PDGFB: variants seen among roughly 807,000 people sequenced by gnomAD.
PDGFB encodes the protein platelet-derived growth factor subunit B.
A neutral mutation model predicts 29.0 loss-of-function variants in PDGFB; 6 were observed. The ratio of observed to expected loss-of-function variants is 0.21; its 90% CI spans 0.11 to 0.41. The LOEUF (loss-of-function observed/expected upper bound fraction) is 0.41, where lower values mean the gene tolerates loss of function less well. PDGFB is among the 10% of genes least tolerant of loss of function. The pLI is 1.00. For synonymous variants in PDGFB, 144 were observed against 140.8 expected (o/e 1.02, Z -0.16); for missense variants, 299 against 341.8 (o/e 0.87, Z 0.99).
rs1009092407 is a variant in PDGFB, at chr22:39,223,874, C to A, written c.*1468G>T. On this transcript the variant is annotated 3_prime_UTR_variant, in exon 7 of 7. Transcript: ENST00000331163. ...GGGAAGGGAGGTGGGAGCTCAGATCCCACCCCAGGGGGTCTTGGGGATCTT... is the reference window on the plus strand; with the variant it reads ...GGGAAGGGAGGTGGGAGCTCAGATCACACCCCAGGGGGTCTTGGGGATCTT... The A allele has an allele frequency of 9.8e-5, 15 of 152,316 alleles. No homozygotes were observed. Among genetic ancestry groups the A allele is most frequent in the African/African-American group, 3.6e-4 (15 of 41,440 alleles). The allele number at this position is 152,316 out of a possible 1,614,324, so 9.4% of individuals were successfully genotyped here. A position where few individuals can be genotyped will look rare whatever the true frequency, so the allele number is the denominator to read the frequency against.
intron 5 of PDGFB, among the ~76,000 whole-genome samples, chr22:39,228,917 T>TATATAA: frequency 6.7e-6 from 1 of 148,848 alleles, no homozygotes. Flanking sequence ...TAGATATATA[T>TATATAA]AATTTTCCCT....
intron 1 of PDGFB, chr22:39,240,994 T>C (rs1468883873): frequency 9.7e-6 from 11 of 1,130,174 alleles, no homozygotes; most frequent in South Asian, 2.6e-5. Context: ...CAAATTCTGT[T>C]TGACCTGCCC....
chr22:39,243,125 G>A lies in PDGFB; in HGVS notation c.63+776C>T, dbSNP rs1932607320. 4.3e-6 allele frequency: 1 copy of A among 233,220 alleles called. No individual in the cohort carries two copies. Among genetic ancestry groups the A allele is most frequent in the South Asian group, 1.8e-4 (1 of 5,530 alleles). The allele number at this position is 233,220 out of a possible 1,614,324, so 14.4% of individuals were successfully genotyped here. ...CAGGGCGCGGGCACAGGTACGGCAA[G>A]GCCTCAGGCACACAGCGCCCCGGGG... On this transcript the variant is annotated intron_variant, in intron 1 of 6. Coordinates refer to ENST00000331163, the MANE Select transcript of PDGFB (RefSeq NM_002608.4). The surrounding 1 kb of genome is among the most constrained non-coding windows in gnomAD (Gnocchi z 6.4).
In PDGFB at chr22:39,231,881, A is replaced by AC; in HGVS notation, c.251-55dup. 6.6e-7 allele frequency: 1 copy of AC among 1,508,000 alleles called. No individual in the cohort carries two copies. The highest frequency in any genetic ancestry group is 9.1e-7 in the Non-Finnish European group (1 of 1,104,016). 93.4% of individuals were successfully genotyped at this position (1,508,000 alleles called of 1,614,324 possible). ...GCGTAGGCCTGTCCAGAGTCCCCCCACTTGGCAGGGGAGCTCAGCGGGTGC... is the reference window on the plus strand; with the variant it reads ...GCGTAGGCCTGTCCAGAGTCCCCCCACCTTGGCAGGGGAGCTCAGCGGGTGC... On this transcript the variant is annotated intron_variant, in intron 3 of 6. Transcript: ENST00000331163. The surrounding 1 kb of genome is among the most constrained non-coding windows in gnomAD (Gnocchi z 4.3).
intron 5 of PDGFB, among the ~76,000 whole-genome samples, chr22:39,226,930 T>G (rs1482511779): frequency 6.6e-6 from 1 of 152,244 alleles, no homozygotes; most frequent in Non-Finnish European, 1.5e-5. Flanking sequence ...AGCAAGTCAC[T>G]TAACTGCCCT....
chr22:39,237,562 T>C (rs76749832), intron 1 of PDGFB, among the ~76,000 whole-genome samples: 3,228 of 152,242 alleles, frequency 0.021, 115 homozygotes, highest in African/African-American at 0.073. Flanking sequence ...GGGCTCTGCC[T>C]CCTCCCGCCC....
chr22:39,235,986 A>C, intron 1 of PDGFB, 112 bp from the exon 2 acceptor site: 2 of 732,292 alleles, frequency 2.7e-6, no homozygotes, highest in Non-Finnish European at 4.7e-6. Flanking sequence ...CTCCAAGGTC[A>C]CAGGGAGACG....
intron 1 of PDGFB, chr22:39,241,009 A>G: frequency 2.1e-6 from 2 of 931,832 alleles, no homozygotes; most frequent in Non-Finnish European, 3.4e-6. Context: ...CTGCCCTTGC[A>G]CACCTCCAGG....
At position 39,240,894 on chromosome 22, in the gene PDGFB, G is replaced by GTC. The variant is rs58537895; in HGVS notation, c.63+3005_63+3006dup. The stretch of plus-strand genomic sequence containing the variant: ...ACATCTCACCATTCCTGCTCAGTCA[G>GTC]TCTCTCTCTCTCTCTCTCTCAGATG... On this transcript the variant is annotated intron_variant, in intron 1 of 6. Coordinates refer to ENST00000331163, the MANE Select transcript of PDGFB (RefSeq NM_002608.4). 13,368 of 1,453,656 alleles carry GTC rather than the reference G, an allele frequency of 9.2e-3. 3 individuals carry two copies. The highest frequency in any genetic ancestry group is 0.01 in the Non-Finnish European group (10,512 of 1,050,586). The allele number at this position is 1,453,656 out of a possible 1,614,324, so 90.0% of individuals were successfully genotyped here.
rs1301149327 is a variant in PDGFB, at chr22:39,231,184, C to G, written c.456+438G>C. On this transcript the variant is annotated intron_variant, in intron 4 of 6. Transcript: ENST00000331163. The surrounding 1 kb of genome is among the most constrained non-coding windows in gnomAD (Gnocchi z 4.3). ...GTGTCAAAGATGCAGGGCCACCCAT[C>G]TGAGCCTTTCTCAAGACAGCCCTGA... 6.6e-6 allele frequency among the ~76,000 whole-genome samples: 1 copy of G among 152,238 alleles called. No homozygotes were observed. The highest frequency in any genetic ancestry group is 2.4e-5 in the African/African-American group (1 of 41,468).
intron 1 of PDGFB, chr22:39,241,030 T>C: frequency 1.2e-6 from 1 of 811,602 alleles, no homozygotes; most frequent in South Asian, 1.5e-5. Flanking sequence ...GCTCTGGGAT[T>C]CCAGCAGTTG....
intron 5 of PDGFB, among the ~76,000 whole-genome samples, chr22:39,228,865 C>A (rs540983052): frequency 1.4e-5 from 2 of 140,450 alleles, no homozygotes; most frequent in African/African-American, 5.2e-5. Context: ...CTCCAGACTG[C>A]GTGACAGGGT....
At chr22:39,226,955 G>T (rs969085435) in intron 5 of PDGFB, among the ~76,000 whole-genome samples, 2 of 152,168 alleles carry the variant, frequency 1.3e-5, no homozygotes, top group Non-Finnish European at 2.9e-5. Flanking sequence ...CTCGATTTCC[G>T]CATCTTTATT....
At position 39,224,113 on chromosome 22, in the gene PDGFB, A is replaced by T. The variant is rs1569132689; in HGVS notation, c.*1229T>A. On this transcript the variant is annotated 3_prime_UTR_variant, in exon 7 of 7. Coordinates refer to ENST00000331163, the MANE Select transcript of PDGFB (RefSeq NM_002608.4). ...CAGAGGACTTTGGGAAATGGAGGTCATGTGGACAGCAGTGTTGCCTCCCTG... is the reference window on the plus strand; with the variant it reads ...CAGAGGACTTTGGGAAATGGAGGTCTTGTGGACAGCAGTGTTGCCTCCCTG... 6.6e-6 allele frequency: 1 copy of T among 152,292 alleles called. No homozygotes were observed. Among genetic ancestry groups the T allele is most frequent in the Non-Finnish European group, 1.5e-5 (1 of 68,096 alleles). The allele number at this position is 152,292 out of a possible 1,614,324, so 9.4% of individuals were successfully genotyped here.
chr22:39,225,766 T>TG lies in PDGFB; in HGVS notation c.682dup (p.His228ProfsTer4), dbSNP rs1430387499. ...CTTCAGTGCCGTCTTGTCATGCGTGTGCTTGAATTTCCGGTGCTTGCCCTT... is the reference window on the plus strand; with the variant it reads ...CTTCAGTGCCGTCTTGTCATGCGTGTGGCTTGAATTTCCGGTGCTTGCCCTT... On this transcript the variant is annotated frameshift_variant, in exon 6 of 7. Transcript: ENST00000331163. LOFTEE classifies it high-confidence loss of function. The TG allele has an allele frequency of 6.2e-7, 1 of 1,614,186 alleles. No individual in the cohort carries two copies.
At chr22:39,240,894 GTCTC>G (rs58537895) in intron 1 of PDGFB, 989 of 1,458,512 alleles carry the variant, frequency 6.8e-4, no homozygotes, top group Non-Finnish European at 8.2e-4. Flanking sequence ...TGCTCAGTCA[GTCTC>G]TCTCTCTCTC....
chr22:39,237,825 G>A (rs972096347), intron 1 of PDGFB, among the ~76,000 whole-genome samples: 3 of 152,180 alleles, frequency 2.0e-5, no homozygotes, highest in South Asian at 2.1e-4. Flanking sequence ...TCTGTGAATC[G>A]AGGGGCTTGA....
chr22:39,231,093 A>G lies in PDGFB; in HGVS notation c.456+529T>C, dbSNP rs747735058. On this transcript the variant is annotated intron_variant, in intron 4 of 6. Transcript: ENST00000331163. The surrounding 1 kb of genome is among the most constrained non-coding windows in gnomAD (Gnocchi z 4.3). ...GACCTGCCCCAGCTCCGCAGTGTCT[A>G]TCACCTGGTGGGCCTCTCTGCACTC... 1.1e-4 allele frequency among the ~76,000 whole-genome samples: 16 copies of G among 152,178 alleles called. No homozygotes were observed. Among genetic ancestry groups the G allele is most frequent in the Non-Finnish European group, 1.9e-4 (13 of 68,022 alleles).
chr22:39,243,820 G>T lies in PDGFB; in HGVS notation c.63+81C>A. Reference sequence around the variant, plus strand: ...GGGCTGCAAGGGTCCAAAGTTCACTGCAGGGAGAGGAGGGGGCGGTCAGAA... The same window carrying T: ...GGGCTGCAAGGGTCCAAAGTTCACTTCAGGGAGAGGAGGGGGCGGTCAGAA... On this transcript the variant is annotated intron_variant, in intron 1 of 6. Coordinates refer to ENST00000331163, the MANE Select transcript of PDGFB (RefSeq NM_002608.4). The surrounding 1 kb of genome is among the most constrained non-coding windows in gnomAD (Gnocchi z 6.4). 2.5e-6 allele frequency: 3 copies of T among 1,177,678 alleles called. No individual in the cohort carries two copies. The highest frequency in any genetic ancestry group is 3.7e-6 in the Non-Finnish European group (3 of 820,166). 73.0% of individuals were successfully genotyped at this position (1,177,678 alleles called of 1,614,324 possible).
Sources: allele counts gnomAD v4.1 joint callset (sites outside exome capture counted in the v4.1 genomes callset), GRCh38; gene constraint gnomAD v4.1.1; non-coding constraint Gnocchi (gnomAD v3.1); transcripts MANE v1.5; gene names NCBI Gene and HGNC (gene_info 2026-07-23, HGNC 2026-07-21).